The following ADAMTSL1 variants were observed in gnomAD, a reference collection of about 807,000 sequenced individuals.
ADAMTSL1 encodes ADAMTS-like protein 1.
In ADAMTSL1, 126 loss-of-function variants were observed where a neutral mutation model predicts 201.8. The observed-to-expected ratio is 0.62, with a 90% CI of 0.54 to 0.72. The LOEUF is 0.72. Among genes scored for constraint, ADAMTSL1 ranks in the 30% least tolerant of loss-of-function variants. The pLI, the probability that ADAMTSL1 is intolerant of heterozygous loss-of-function variation, is 0.00. For missense variants in ADAMTSL1, 2,679 were observed against 2,277.8 expected (o/e 1.18, Z -3.59); for synonymous variants, 1,121 against 903.4 (o/e 1.24, Z -4.32).
chr9:17,971,547 C>T (rs932891699), intron 1 of ADAMTSL1, among the ~76,000 whole-genome samples: 2 of 151,930 alleles, frequency 1.3e-5, no homozygotes. Flanking sequence ...AATCATAATT[C>T]ACAAAATACC....
intron 1 of ADAMTSL1, among the ~76,000 whole-genome samples, chr9:17,991,736 C>A (rs1361194268): frequency 1.3e-5 from 2 of 152,152 alleles, no homozygotes; most frequent in Admixed American, 1.3e-4. Context: ...GATAGTCAGA[C>A]CTGCCTCAGA....
chr9:18,242,949 T>A (rs1362191199), intron 2 of ADAMTSL1, among the ~76,000 whole-genome samples: 1 of 152,084 alleles, frequency 6.6e-6, no homozygotes, highest in Non-Finnish European at 1.5e-5. Context: ...CAATGCAACA[T>A]CTATCAAAAT....
intron 2 of ADAMTSL1, among the ~76,000 whole-genome samples, chr9:18,221,387 C>A (rs1401421316): frequency 6.6e-6 from 1 of 152,186 alleles, no homozygotes; most frequent in Admixed American, 6.5e-5. Flanking sequence ...CACAGTGCCC[C>A]TTCCCCACTC....
chr9:18,298,527 G>T (rs1343676255), intron 2 of ADAMTSL1, among the ~76,000 whole-genome samples: 1 of 152,140 alleles, frequency 6.6e-6, no homozygotes, highest in Non-Finnish European at 1.5e-5. Context: ...TAAAAGACGA[G>T]GGTGTGTGTG....
chr9:18,582,283 T>G (rs76036613), intron 4 of ADAMTSL1, among the ~76,000 whole-genome samples: 1,712 of 152,314 alleles, frequency 0.011, 34 homozygotes, highest in African/African-American at 0.034. Context: ...GTTTATCTCT[T>G]GGCTCTCACA....
In ADAMTSL1 at chr9:18,533,321, A is replaced by G. The variant is rs572523451; in HGVS notation, c.237+29A>G. ...AGTATAAGGTTCTGAGATTGTAATC[A>G]TGTATTTTTGTTAGCACTGAATGGT... On this transcript the variant is annotated intron_variant, in intron 3 of 28. Transcript: ENST00000380548. 108 of 1,593,576 alleles carry G rather than the reference A, an allele frequency of 6.8e-5. No homozygotes were observed. The South Asian group carries it at 1.1e-3, about 17-fold the overall frequency.
intron 2 of ADAMTSL1, among the ~76,000 whole-genome samples, chr9:18,252,618 T>C (rs558752814): frequency 6.6e-6 from 1 of 152,272 alleles, no homozygotes; most frequent in African/African-American, 2.4e-5. Context: ...TCAGTACAAA[T>C]GCAATTTTTT....
intron 23 of ADAMTSL1, among the ~76,000 whole-genome samples, chr9:18,867,819 G>A (rs1827636187): frequency 1.3e-5 from 2 of 152,040 alleles, no homozygotes; most frequent in Middle Eastern, 3.4e-3. Flanking sequence ...GTAGAGATGG[G>A]GTTTCACCAT....
chr9:18,747,278 G>A (rs1819204123), intron 15 of ADAMTSL1, among the ~76,000 whole-genome samples: 2 of 152,086 alleles, frequency 1.3e-5, no homozygotes, highest in African/African-American at 2.4e-5. Context: ...TGTAAAATGG[G>A]GAAACTTACA....
At chr9:18,304,940 C>T (rs1302458758) in intron 2 of ADAMTSL1, among the ~76,000 whole-genome samples, 1 of 118,198 alleles carries the variant, frequency 8.5e-6, no homozygotes, top group Non-Finnish European at 1.9e-5. Flanking sequence ...GGAACAGCTC[C>T]GATCTGCAGC....
chr9:18,587,144 T>A (rs888750256), intron 4 of ADAMTSL1, among the ~76,000 whole-genome samples: 3 of 151,954 alleles, frequency 2.0e-5, no homozygotes, highest in Non-Finnish European at 4.4e-5. Flanking sequence ...AAAGAAACTA[T>A]CAACAGAGTA....
chr9:18,159,641 C>G (rs1827302435), intron 1 of ADAMTSL1, among the ~76,000 whole-genome samples: 1 of 151,952 alleles, frequency 6.6e-6, no homozygotes, highest in East Asian at 1.9e-4. Context: ...AGTCACAGCT[C>G]ATAGAGTAAA....
chr9:18,317,393 A>AACAC (rs57642851), intron 2 of ADAMTSL1, among the ~76,000 whole-genome samples: 8,795 of 149,092 alleles, frequency 0.059, 772 homozygotes, highest in African/African-American at 0.19. Flanking sequence ...AAGTGTCCTC[A>AACAC]ACACACACAC....
In ADAMTSL1 at chr9:18,522,363, T is replaced by G. The variant is rs552246195; in HGVS notation, c.192-10884T>G. Among the ~76,000 whole-genome samples, 14 of 152,300 alleles carry G rather than the reference T, an allele frequency of 9.2e-5. No individual in the cohort carries two copies. The South Asian group carries it at 1.7e-3, about 18-fold the overall frequency. On this transcript the variant is annotated intron_variant, in intron 2 of 28. Transcript: ENST00000380548. ...AATGAAAAGAAGCTGACAGTACACT[T>G]GCACTTGTTTCTCTCAGTTGTTCTC...
chr9:18,763,138 T>C (rs1346556116), intron 16 of ADAMTSL1, among the ~76,000 whole-genome samples: 1 of 152,188 alleles, frequency 6.6e-6, no homozygotes, highest in Non-Finnish European at 1.5e-5. Context: ...TGTATAAGGG[T>C]TCCCTTTGGT....
At chr9:18,747,182 T>C (rs1039050030) in intron 15 of ADAMTSL1, among the ~76,000 whole-genome samples, 1 of 152,178 alleles carries the variant, frequency 6.6e-6, no homozygotes, top group African/African-American at 2.4e-5. Flanking sequence ...CCAGGCCGCC[T>C]AAGTTTGAAT....
chr9:18,259,107 T>C (rs925238572), intron 2 of ADAMTSL1, among the ~76,000 whole-genome samples: 3 of 152,230 alleles, frequency 2.0e-5, no homozygotes, highest in African/African-American at 7.2e-5. Flanking sequence ...CCATATTATA[T>C]CCTCTTTCCT....
intron 2 of ADAMTSL1, among the ~76,000 whole-genome samples, chr9:18,173,808 G>A (rs1197520320): frequency 6.6e-6 from 1 of 152,048 alleles, no homozygotes; most frequent in Admixed American, 6.6e-5. Flanking sequence ...TTACTCTTTT[G>A]GGGGGCATTT....
intron 20 of ADAMTSL1, among the ~76,000 whole-genome samples, chr9:18,799,186 G>C (rs530826210): frequency 9.8e-5 from 15 of 152,288 alleles, no homozygotes; most frequent in African/African-American, 3.4e-4. Flanking sequence ...AGTAGCTTAG[G>C]AGGGGAGGAT....
Sources: allele counts gnomAD v4.1 joint callset (sites outside exome capture counted in the v4.1 genomes callset), GRCh38; gene constraint gnomAD v4.1.1; transcripts MANE v1.5; gene names NCBI Gene and HGNC (gene_info 2026-07-23, HGNC 2026-07-21).